Variants in MNAT1 observed in about 807,000 individuals in gnomAD.
The protein encoded by MNAT1 is CDK-activating kinase assembly factor MAT1.
In MNAT1, 43 loss-of-function variants were observed where a neutral mutation model predicts 42.0. The ratio of observed to expected loss-of-function variants is 1.02; its 90% confidence interval spans 0.80 to 1.32. MNAT1 has a LOEUF of 1.32. Ranked by LOEUF, MNAT1 falls within the 40% of genes most tolerant of loss-of-function variation. MNAT1 has a pLI of 0.00. For synonymous variants in MNAT1, 118 were observed against 120.0 expected (o/e 0.98, Z 0.11); for missense variants, 306 against 350.4 (o/e 0.87, Z 1.01).
At chr14:60,782,309 G>A (rs1324411231) in intron 1 of MNAT1, among the ~76,000 whole-genome samples, 2 of 151,960 alleles carry the variant, frequency 1.3e-5, no homozygotes, top group African/African-American at 4.8e-5. Context: ...AGAATACTGT[G>A]GTAGAAAAGG....
chr14:60,795,278 C>T (rs2031977320), intron 1 of MNAT1, among the ~76,000 whole-genome samples: 2 of 152,258 alleles, frequency 1.3e-5, no homozygotes, highest in South Asian at 2.1e-4. Flanking sequence ...CTCTCTCCTC[C>T]CATCCATCTT....
At chr14:60,869,248 C>T (rs894272363) in intron 6 of MNAT1, among the ~76,000 whole-genome samples, 23 of 151,096 alleles carry the variant, frequency 1.5e-4, no homozygotes, top group African/African-American at 4.9e-4. Context: ...ACCATGTTGC[C>T]CAGGCTGGTC....
At chr14:60,949,542 C>T (rs2036343013) in intron 7 of MNAT1, among the ~76,000 whole-genome samples, 1 of 152,022 alleles carries the variant, frequency 6.6e-6, no homozygotes, top group African/African-American at 2.4e-5. Flanking sequence ...AAATATTATA[C>T]CAGCATGTGC....
intron 6 of MNAT1, among the ~76,000 whole-genome samples, chr14:60,838,701 C>T (rs1051438865): frequency 6.6e-6 from 1 of 151,400 alleles, no homozygotes; most frequent in African/African-American, 2.4e-5. Flanking sequence ...TGTGCTCCTG[C>T]TGGCAGCTGC....
chr14:60,861,035 G>A (rs898148774), intron 6 of MNAT1, among the ~76,000 whole-genome samples: 1 of 152,086 alleles, frequency 6.6e-6, no homozygotes, highest in Non-Finnish European at 1.5e-5. Context: ...TGAGAACATA[G>A]TGTAGGATCT....
At chr14:60,806,022 A>C (rs2139342696) in intron 3 of MNAT1, among the ~76,000 whole-genome samples, 1 of 152,342 alleles carries the variant, frequency 6.6e-6, no homozygotes, top group Non-Finnish European at 1.5e-5. Flanking sequence ...CTGTTGCTCC[A>C]GATCTGCACC....
intron 1 of MNAT1, among the ~76,000 whole-genome samples, chr14:60,781,620 A>T (rs2031461975): frequency 6.6e-6 from 1 of 152,088 alleles, no homozygotes; most frequent in African/African-American, 2.4e-5. Context: ...GATAAAATGA[A>T]ATTTATCAAT....
chr14:60,749,391 A>T (rs2029971710), intron 1 of MNAT1, among the ~76,000 whole-genome samples: 1 of 152,152 alleles, frequency 6.6e-6, no homozygotes, highest in Non-Finnish European at 1.5e-5. Context: ...AATGGAATTA[A>T]TTTTTTCTCA....
chr14:60,915,127 A>T (rs542541412), intron 7 of MNAT1, among the ~76,000 whole-genome samples: 17 of 152,046 alleles, frequency 1.1e-4, no homozygotes, highest in African/African-American at 3.9e-4. Flanking sequence ...TCTCAGTGTA[A>T]CTTTTTTTAC....
intron 6 of MNAT1, among the ~76,000 whole-genome samples, chr14:60,845,156 G>T (rs779922075): frequency 1.4e-4 from 21 of 151,534 alleles, no homozygotes; most frequent in Non-Finnish European, 2.5e-4. Context: ...TGAAAGTGGG[G>T]TCTACTACCT....
chr14:60,780,022 G>C, intron 1 of MNAT1: 2 of 1,558,024 alleles, frequency 1.3e-6, no homozygotes, highest in Admixed American at 1.7e-5. Context: ...CCCTGCGTGG[G>C]AGTGCCGAAA....
At position 60,788,368 on chromosome 14, in the gene MNAT1, A is replaced by G. The variant is rs182270288; in HGVS notation, c.90-7849A>G. Among the ~76,000 whole-genome samples, 131 of 152,312 alleles carry G rather than the reference A, an allele frequency of 8.6e-4. 1 individual carries two copies. Among genetic ancestry groups the G allele is most frequent in the African/African-American group, 3.1e-3 (127 of 41,586 alleles). ...ATTCAGGCTTTATTCTTCCATTTAT[A>G]GAGCACAGGCAGTATAGATTTAGCA... On this transcript the variant is annotated intron_variant, in intron 1 of 7. Coordinates refer to ENST00000261245, the MANE Select transcript of MNAT1 (RefSeq NM_002431.4).
At chr14:60,887,801 C>G (rs2034715518) in intron 7 of MNAT1, among the ~76,000 whole-genome samples, 1 of 152,206 alleles carries the variant, frequency 6.6e-6, no homozygotes, top group South Asian at 2.1e-4. Context: ...AAACTACCAT[C>G]AGAGAATACT....
intron 1 of MNAT1, among the ~76,000 whole-genome samples, chr14:60,766,434 C>A (rs906465613): frequency 2.0e-5 from 3 of 151,972 alleles, no homozygotes; most frequent in African/African-American, 2.4e-5. Context: ...CTTTTTGTGG[C>A]CTGGCGTGGT....
At chr14:60,831,575 C>T (rs556419012) in intron 6 of MNAT1, among the ~76,000 whole-genome samples, 12 of 152,134 alleles carry the variant, frequency 7.9e-5, no homozygotes, top group Non-Finnish European at 1.6e-4. Context: ...TCCAGTCTAT[C>T]ATTGATGGGC....
rs544040829 is a variant in MNAT1, at chr14:60,880,965, G to A, written c.809+1130G>A. The stretch of plus-strand genomic sequence containing the variant: ...TATAATGTAAAAAGTTATACATGAT[G>A]TAGACATTTATTTCTTATCTCTTAC... On this transcript the variant is annotated intron_variant, in intron 7 of 7. Transcript: ENST00000261245. 2.6e-5 allele frequency among the ~76,000 whole-genome samples: 4 copies of A among 152,254 alleles called. No homozygotes were observed. In the South Asian group the frequency reaches 6.2e-4, roughly 24 times the overall value.
intron 7 of MNAT1, among the ~76,000 whole-genome samples, chr14:60,956,365 T>C (rs769285893): frequency 5.9e-5 from 9 of 152,200 alleles, no homozygotes; most frequent in Non-Finnish European, 1.2e-4. Flanking sequence ...TTATAAAAAT[T>C]ACTCAATATG....
chr14:60,787,790 A>T (rs972780056), intron 1 of MNAT1, among the ~76,000 whole-genome samples: 5 of 152,136 alleles, frequency 3.3e-5, no homozygotes, highest in African/African-American at 1.2e-4. Flanking sequence ...TTCAAGTTTG[A>T]TCATGAGATT....
chr14:60,836,549 C>T (rs1232432784), intron 6 of MNAT1, among the ~76,000 whole-genome samples: 1 of 152,206 alleles, frequency 6.6e-6, no homozygotes, highest in Non-Finnish European at 1.5e-5. Flanking sequence ...CCCTGTTTGC[C>T]TGGGTATCCC....
Sources: allele counts gnomAD v4.1 joint callset (sites outside exome capture counted in the v4.1 genomes callset), GRCh38; gene constraint gnomAD v4.1.1; transcripts MANE v1.5; gene names NCBI Gene and HGNC (gene_info 2026-07-23, HGNC 2026-07-21).